The following CCDC33 variants were observed in gnomAD, a reference collection of about 807,000 sequenced individuals.
CCDC33 encodes the protein coiled-coil domain-containing protein 33.
CCDC33 carries 94 observed loss-of-function variants against 91.9 expected under a neutral mutation model. The observed-to-expected ratio is 1.02, with a 90% CI of 0.87 to 1.21. CCDC33 has a LOEUF of 1.21. Ranked by LOEUF, CCDC33 falls within the 50% of genes most tolerant of loss-of-function variation. The probability of loss-of-function intolerance (pLI) is 0.00; values close to 1 mark genes in which losing one functional copy is unlikely to be tolerated. For synonymous variants in CCDC33, 396 were observed against 374.5 expected, an observed-to-expected ratio of 1.06 and a Z score of -0.66; for missense variants, 940 against 935.5, an observed-to-expected ratio of 1.00 and a Z score of -0.06.
intron 18 of CCDC33, 85 bp from the exon 19 acceptor site, chr15:74,335,840 G>A (rs942622184): frequency 5.8e-6 from 6 of 1,034,226 alleles, no homozygotes; most frequent in South Asian, 5.5e-5. Flanking sequence ...ATACTCTGAG[G>A]CCTGGTTTGT....
chr15:74,304,820 C>A (rs560514052), intron 11 of CCDC33, among the ~76,000 whole-genome samples: 1 of 152,322 alleles, frequency 6.6e-6, no homozygotes, highest in South Asian at 2.1e-4. Context: ...ACTCACACTC[C>A]TCCAGCCTTG....
At chr15:74,324,433 A>C (rs1409332522) in intron 11 of CCDC33, among the ~76,000 whole-genome samples, 2 of 151,936 alleles carry the variant, frequency 1.3e-5, no homozygotes, top group Non-Finnish European at 2.9e-5. Flanking sequence ...CATTCAGACC[A>C]TCTCTAGCGG....
chr15:74,309,365 A>C (rs887005990), intron 11 of CCDC33, among the ~76,000 whole-genome samples: 6 of 152,142 alleles, frequency 3.9e-5, no homozygotes, highest in Non-Finnish European at 7.4e-5. Context: ...CCTGGCGTGC[A>C]GTGGGTGCTC....
chr15:74,294,677 G>A (rs2059646756), intron 10 of CCDC33, among the ~76,000 whole-genome samples: 3 of 151,242 alleles, frequency 2.0e-5, no homozygotes, highest in South Asian at 2.1e-4. Flanking sequence ...AACTCAGGAG[G>A]TGGAGGTTGC....
intron 11 of CCDC33, among the ~76,000 whole-genome samples, chr15:74,312,576 C>T (rs763465371): frequency 6.6e-6 from 1 of 152,182 alleles, no homozygotes; most frequent in Non-Finnish European, 1.5e-5. Flanking sequence ...CTGTTCACAG[C>T]GCCTATGTAC....
chr15:74,257,272 C>G (rs1295812232), intron 2 of CCDC33, among the ~76,000 whole-genome samples: 3 of 152,250 alleles, frequency 2.0e-5, no homozygotes, highest in African/African-American at 7.2e-5. Flanking sequence ...CCTCCTGGGG[C>G]TCAAAACCCA....
chr15:74,279,090 A>G (rs1226681448), intron 7 of CCDC33, among the ~76,000 whole-genome samples: 3 of 152,244 alleles, frequency 2.0e-5, no homozygotes, highest in Non-Finnish European at 2.9e-5. Context: ...ACAGTTTACC[A>G]ATAATGAATG....
intron 1 of CCDC33, among the ~76,000 whole-genome samples, chr15:74,241,238 G>A (rs1191034214): frequency 1.3e-5 from 2 of 152,022 alleles, no homozygotes; most frequent in African/African-American, 2.4e-5. Context: ...AGGAGAGGGG[G>A]GCCTCTCTGC....
rs763126342 is a variant in CCDC33 at position 74,262,461 on chromosome 15, G to T, written c.207G>T (p.Lys69Asn). The T allele has an allele frequency of 6.2e-7, 1 of 1,614,078 alleles. No homozygotes were observed. The highest frequency in any genetic ancestry group is 8.5e-7 in the Non-Finnish European group (1 of 1,179,970). ...YVVVKSTSEE[K>N]NNQSSKAVTS... Reference sequence around the variant, plus strand: ...CCAGGAAAAGCACATCTGAGGAAAAGAACAATCAGAGCTCCAAGGCAGTCA... The same window carrying T: ...CCAGGAAAAGCACATCTGAGGAAAATAACAATCAGAGCTCCAAGGCAGTCA... The change falls in exon 3 of 19, where the codon AAG becomes AAT. Residue 69 changes from lysine (K) to asparagine (N), a missense_variant. Transcript: ENST00000398814.
At chr15:74,246,693 G>A (rs1212508741) in intron 2 of CCDC33, among the ~76,000 whole-genome samples, 1 of 152,206 alleles carries the variant, frequency 6.6e-6, no homozygotes, top group East Asian at 1.9e-4. Flanking sequence ...GTGGAGAAAA[G>A]AGAACGCTTG....
At chr15:74,217,365 G>A (rs773416261) in exon 1 of CCDC33, 2 of 1,290,124 alleles carry the variant, frequency 1.6e-6, no homozygotes, top group South Asian at 1.2e-5. Context: ...GGAGTTCGAA[G>A]TTTTGAGCGT....
chr15:74,295,809 C>T lies in CCDC33; in HGVS notation c.1151C>T (p.Pro384Leu), dbSNP rs1278161293. ...NNSKALPTLDPKILDKKLRTI... is the reference protein window; with the variant it reads ...NNSKALPTLDLKILDKKLRTI... Reference sequence around the variant, plus strand: ...AGCAAGGCTCTTCCTACCTTGGACCCCAAGATCCTGGATAAGAAGCTGAGA... The same window carrying T: ...AGCAAGGCTCTTCCTACCTTGGACCTCAAGATCCTGGATAAGAAGCTGAGA... Residue 384 changes from proline to leucine, a missense_variant, in exon 11 of 19, where the codon CCC becomes CTC. Pro to Leu is a moderately conservative substitution (Grantham distance 98, BLOSUM62 -3). Coordinates refer to ENST00000398814, the MANE Select transcript of CCDC33 (RefSeq NM_025055.5). 13 of 1,614,030 alleles carry T rather than the reference C, an allele frequency of 8.1e-6. No individual in the cohort carries two copies. The highest frequency in any genetic ancestry group is 2.7e-5 in the African/African-American group (2 of 74,902).
chr15:74,335,876 A>C lies in CCDC33; in HGVS notation c.2140-49A>C, dbSNP rs760353305. ...CAGGCAATATGCCCTTGAGCAGGTC[A>C]CCCCCTGGGAATGGGGGGTACTCAC... On this transcript the variant is annotated intron_variant, in intron 18 of 18. Coordinates refer to ENST00000398814, the MANE Select transcript of CCDC33 (RefSeq NM_025055.5). The C allele has an allele frequency of 7.7e-6, 11 of 1,425,616 alleles. No homozygotes were observed. The South Asian group carries it at 1.2e-4, about 15-fold the overall frequency. 88.3% of individuals were successfully genotyped at this position (1,425,616 alleles called of 1,614,324 possible).
At chr15:74,302,149 T>G (rs1387227016) in intron 11 of CCDC33, 1 of 151,728 alleles carries the variant, frequency 6.6e-6, no homozygotes, top group Non-Finnish European at 1.5e-5. Flanking sequence ...CTTTTGTTTC[T>G]CTTCCTTTCT....
At chr15:74,229,097 C>T (rs1566951949) in intron 2 of CCDC33, among the ~76,000 whole-genome samples, 1 of 152,174 alleles carries the variant, frequency 6.6e-6, no homozygotes, top group Non-Finnish European at 1.5e-5. Context: ...CCCCCAGGCT[C>T]CCCACAAGCA....
Position 74,295,779 on chromosome 15 carries a change from A to G in CCDC33, c.1121A>G (p.Asn374Ser). The change falls in exon 11 of 19, where the codon AAC (asparagine) becomes AGC (serine). Residue 374 changes from asparagine (N) to serine (S), a missense_variant. Coordinates refer to ENST00000398814, the MANE Select transcript of CCDC33 (RefSeq NM_025055.5). ...SERPENFLTP[N>S]NSKALPTLDP... is the part of the protein sequence containing the mutation. ...AGACCAGAAAACTTCTTGACACCAA[A>G]CAACAGCAAGGCTCTTCCTACCTTG... 6.2e-7 allele frequency: 1 copy of G among 1,613,426 alleles called. No individual in the cohort carries two copies. Among genetic ancestry groups the G allele is most frequent in the African/African-American group, 1.3e-5 (1 of 74,962 alleles).
upstream of CCDC33, chr15:74,212,321 G>A (rs1368954338): frequency 6.6e-6 from 1 of 152,308 alleles, no homozygotes; most frequent in Non-Finnish European, 1.5e-5. Context: ...CCTCCCGCCA[G>A]ACCAAGAACT....
At position 74,271,636 on chromosome 15, in the gene CCDC33, G is replaced by T. The variant is rs546115652; in HGVS notation, c.547-67G>T. On this transcript the variant is annotated intron_variant, in intron 5 of 18. Coordinates refer to ENST00000398814, the MANE Select transcript of CCDC33 (RefSeq NM_025055.5). ...GGGGAAAAAGAGGGTAGGCAGTCTG[G>T]CTGGCTGTCTCTGGAAGGTCCCAAG... is the stretch of plus-strand genomic sequence containing the variant. The T allele has an allele frequency of 4.9e-6, 6 of 1,215,370 alleles. No individual in the cohort carries two copies. In the Admixed American group the frequency reaches 6.9e-5, roughly 14 times the overall value. 75.3% of individuals were successfully genotyped at this position (1,215,370 alleles called of 1,614,324 possible).
At chr15:74,237,703 C>T (rs1232125376) in intron 1 of CCDC33, among the ~76,000 whole-genome samples, 1 of 152,170 alleles carries the variant, frequency 6.6e-6, no homozygotes. Context: ...TGACCTGGCA[C>T]CCTAAGCTGC....
Sources: gnomAD v4.1 joint callset for allele counts (sites outside exome capture counted in the v4.1 genomes callset) on GRCh38, gnomAD v4.1.1 for gene constraint, MANE v1.5 for transcripts, NCBI Gene and HGNC (gene_info 2026-07-23, HGNC 2026-07-21) for gene names.